The following CORO2A variants were observed in gnomAD, a reference collection of about 807,000 sequenced individuals.
The protein encoded by CORO2A is coronin-2A.
In CORO2A, 47 loss-of-function variants were observed where a neutral mutation model predicts 62.4. The observed-to-expected ratio is 0.75, with a 90% CI of 0.60 to 0.96. The LOEUF (loss-of-function observed/expected upper bound fraction) is 0.96. Ranked by LOEUF, CORO2A falls within the 40% of genes least tolerant of loss-of-function variation. The pLI is 0.00. For missense variants in CORO2A, 610 were observed against 684.1 expected (o/e 0.89, Z 1.21); for synonymous variants, 273 against 268.9 (o/e 1.02, Z -0.15).
intron 11 of CORO2A, among the ~76,000 whole-genome samples, chr9:98,125,861 G>T (rs1313257920): frequency 6.6e-6 from 1 of 151,166 alleles, no homozygotes; most frequent in Admixed American, 6.6e-5. Flanking sequence ...GGGACTACAG[G>T]CACGCACCAC....
At chr9:98,170,094 G>T (rs374013776) in intron 1 of CORO2A, among the ~76,000 whole-genome samples, 129 of 152,356 alleles carry the variant, frequency 8.5e-4, no homozygotes, top group African/African-American at 3.0e-3. Flanking sequence ...AAGATTAAAT[G>T]AAATAATGTA....
chr9:98,182,871 T>G (rs1399483419), intron 1 of CORO2A, among the ~76,000 whole-genome samples: 1 of 152,254 alleles, frequency 6.6e-6, no homozygotes, highest in Non-Finnish European at 1.5e-5. Context: ...TTACAGTTTC[T>G]GTTGCTTTTT....
chr9:98,151,827 T>C (rs866518877), intron 2 of CORO2A, among the ~76,000 whole-genome samples: 1,575 of 148,944 alleles, frequency 0.011, 25 homozygotes, highest in African/African-American at 0.036. Context: ...TTTTTTTTTT[T>C]TTTTTTTGAG....
rs751616746 is a variant in CORO2A at position 98,132,225 on chromosome 9, G to A, written c.725C>T (p.Thr242Ile). ...CACCTGCCGGTTGTTCCATCGGGAT[G>A]TGCCTGTGGACATCAGCTTCTTCAG... ...GNLKKLMSTG[T>I]SRWNNRQVAL... Residue 242 changes from threonine to isoleucine, a missense_variant, in exon 6 of 12, where the codon ACA (threonine) becomes ATA (isoleucine). By Grantham distance (89) the Thr-to-Ile change is moderately conservative. Coordinates refer to ENST00000375077, the MANE Select transcript of CORO2A (RefSeq NM_052820.4). 1 of 1,614,204 alleles carries A rather than the reference G, an allele frequency of 6.2e-7. No homozygotes were observed. The highest frequency in any genetic ancestry group is 2.2e-5 in the East Asian group (1 of 44,880).
rs1256663183 is a variant in CORO2A at position 98,121,234 on chromosome 9, A to G, written c.*3540T>C. 6.6e-6 allele frequency: 1 copy of G among 152,178 alleles called. No homozygotes were observed. Among genetic ancestry groups the G allele is most frequent in the Non-Finnish European group, 1.5e-5 (1 of 68,032 alleles). 9.4% of individuals were successfully genotyped at this position (152,178 alleles called of 1,614,324 possible). A position where few individuals can be genotyped will look rare whatever the true frequency, so the allele number is the denominator to read the frequency against. On this transcript the variant is annotated 3_prime_UTR_variant, in exon 12 of 12. Transcript: ENST00000375077. ...CAGGAAGCACAATTATTGTAGCGTT[A>G]AGGTGGATACCTGCCAAAGCTCATC...
intron 1 of CORO2A, among the ~76,000 whole-genome samples, chr9:98,161,123 T>C (rs1272751097): frequency 3.3e-5 from 5 of 152,196 alleles, no homozygotes; most frequent in African/African-American, 9.7e-5. Flanking sequence ...TCCTGATTCA[T>C]ACAGCCTATG....
intron 11 of CORO2A, among the ~76,000 whole-genome samples, chr9:98,125,481 T>C (rs1480126680): frequency 6.6e-6 from 1 of 152,192 alleles, no homozygotes; most frequent in Non-Finnish European, 1.5e-5. Flanking sequence ...AGAATCCATC[T>C]GTGAGATGCC....
intron 2 of CORO2A, among the ~76,000 whole-genome samples, chr9:98,154,522 G>T (rs1288483938): frequency 1.3e-5 from 2 of 151,674 alleles, no homozygotes; most frequent in Non-Finnish European, 2.9e-5. Flanking sequence ...CACATAGGAG[G>T]TCTCCCACGA....
chr9:98,140,968 G>C (rs974096863), intron 2 of CORO2A, among the ~76,000 whole-genome samples: 6 of 152,174 alleles, frequency 3.9e-5, no homozygotes, highest in African/African-American at 1.4e-4. Context: ...ACTTATATAA[G>C]TTGATAATGT....
At chr9:98,163,741 TGAGAGA>T (rs565063006) in intron 1 of CORO2A, among the ~76,000 whole-genome samples, 69 of 139,626 alleles carry the variant, frequency 4.9e-4, no homozygotes, top group Admixed American at 1.4e-3. Flanking sequence ...TGTGTGTGTG[TGAGAGA>T]GAGAGAGAGA....
At chr9:98,152,554 G>A (rs1031710193) in intron 2 of CORO2A, among the ~76,000 whole-genome samples, 1 of 152,164 alleles carries the variant, frequency 6.6e-6, no homozygotes, top group Admixed American at 6.5e-5. Flanking sequence ...AAAGTGCTGG[G>A]CCCATAGGTG....
At chr9:98,156,122 C>T (rs1177686889) in intron 2 of CORO2A, among the ~76,000 whole-genome samples, 2 of 143,904 alleles carry the variant, frequency 1.4e-5, no homozygotes, top group Admixed American at 1.5e-4. Context: ...GAAAGCATGG[C>T]TCACAACTTC....
At chr9:98,134,400 C>T (rs1043845184) in intron 4 of CORO2A, among the ~76,000 whole-genome samples, 10 of 152,018 alleles carry the variant, frequency 6.6e-5, no homozygotes, top group African/African-American at 2.4e-4. Context: ...GGGTTCCCCC[C>T]AAAACTCATG....
intron 2 of CORO2A, among the ~76,000 whole-genome samples, chr9:98,155,342 AT>A (rs11379239): frequency 0.21 from 20,862 of 101,444 alleles, 819 homozygotes; most frequent in Middle Eastern, 0.31. Context: ...TTATTGCTCA[AT>A]TTTTTTTTTT....
In CORO2A at chr9:98,134,816, T is replaced by G. The variant is rs748025218; in HGVS notation, c.458A>C (p.Tyr153Ser). ...AATACCCAGACTCACCTTGTAGTCA[T>G]AGCCAGCACTGAAGAGGATGTTGGC... ...TAANILFSAG[Y>S]DYKVMIWNLD... is the part of the protein sequence containing the mutation. Residue 153 changes from tyrosine (Y) to serine (S), a missense_variant, in exon 4 of 12, where the codon TAT (tyrosine) becomes TCT (serine). Coordinates refer to ENST00000375077, the MANE Select transcript of CORO2A (RefSeq NM_052820.4). The G allele has an allele frequency of 6.2e-7, 1 of 1,612,614 alleles. No individual in the cohort carries two copies. Among genetic ancestry groups the G allele is most frequent in the South Asian group, 1.1e-5 (1 of 90,854 alleles).
intron 1 of CORO2A, among the ~76,000 whole-genome samples, chr9:98,173,375 C>A (rs1436887838): frequency 6.6e-6 from 1 of 152,236 alleles, no homozygotes; most frequent in Non-Finnish European, 1.5e-5. Flanking sequence ...ATTATCTCCA[C>A]TTCGTGAGTG....
intron 3 of CORO2A, among the ~76,000 whole-genome samples, chr9:98,135,620 A>C (rs560459491): frequency 1.5e-4 from 23 of 152,266 alleles, no homozygotes; most frequent in African/African-American, 4.8e-4. Context: ...GCTCCCTGTC[A>C]CAGAGGTATA....
intron 1 of CORO2A, among the ~76,000 whole-genome samples, chr9:98,161,957 G>A (rs1400234936): frequency 2.6e-5 from 4 of 152,186 alleles, no homozygotes; most frequent in African/African-American, 9.7e-5. Flanking sequence ...TGAGGAGGCC[G>A]TGAGAGGCCT....
intron 1 of CORO2A, among the ~76,000 whole-genome samples, chr9:98,176,203 G>C (rs1828107219): frequency 6.6e-6 from 1 of 152,158 alleles, no homozygotes; most frequent in Non-Finnish European, 1.5e-5. Flanking sequence ...AGAAAGCCTT[G>C]TGCCCCTTAT....
Sources: gnomAD v4.1 joint callset for allele counts (sites outside exome capture counted in the v4.1 genomes callset) on GRCh38, gnomAD v4.1.1 for gene constraint, MANE v1.5 for transcripts, NCBI Gene and HGNC (gene_info 2026-07-23, HGNC 2026-07-21) for gene names.